Variants in PIK3C2G observed in about 807,000 individuals in gnomAD.
The protein encoded by PIK3C2G is phosphatidylinositol 3-kinase C2 domain-containing subunit gamma.
Under a neutral mutation model 181.1 loss-of-function variants are expected in PIK3C2G, and 168 were observed. The observed-to-expected ratio is 0.93, with a 90% CI of 0.82 to 1.05. PIK3C2G has a LOEUF of 1.05. PIK3C2G is among the 50% of genes least tolerant of loss of function. The pLI, the probability that PIK3C2G is intolerant of heterozygous loss-of-function variation, is 0.00. For missense variants in PIK3C2G, 1,869 were observed against 1,732.8 expected, an observed-to-expected ratio of 1.08 and a Z score of -1.40; for synonymous variants, 573 against 592.2, an observed-to-expected ratio of 0.97 and a Z score of 0.47.
intron 22 of PIK3C2G, among the ~76,000 whole-genome samples, chr12:18,502,823 G>A (rs906875575): frequency 2.0e-5 from 3 of 152,200 alleles, no homozygotes; most frequent in Non-Finnish European, 4.4e-5. Flanking sequence ...ACATTTAACT[G>A]TGAAGCTTTT....
chr12:18,250,293 T>A (rs997379612), intron 1 of PIK3C2G, among the ~76,000 whole-genome samples: 1 of 152,084 alleles, frequency 6.6e-6, no homozygotes, highest in Non-Finnish European at 1.5e-5. Flanking sequence ...ATTGACAGAA[T>A]TTTATTCCCA....
the PIK3C2G span, chr12:18,699,901 G>A: frequency 1.3e-4 from 211 of 1,612,104 alleles, no homozygotes; most frequent in African/African-American, 7.2e-4. Flanking sequence ...CTCAGCTTTC[G>A]TATAAATGAC....
the PIK3C2G span, among the ~76,000 whole-genome samples, chr12:18,700,688 A>G: frequency 2.6e-5 from 4 of 152,094 alleles, no homozygotes; most frequent in East Asian, 5.8e-4. Context: ...GTGAGACACT[A>G]TATCAAGTCA....
At chr12:18,244,403 G>A (rs1054711728), upstream of PIK3C2G, among the ~76,000 whole-genome samples, 11 of 152,006 alleles carry the variant, frequency 7.2e-5, no homozygotes, top group East Asian at 1.5e-3. Flanking sequence ...AATACTGGGG[G>A]TTCTTGATAA....
At chr12:18,709,296 G>A in the PIK3C2G span, among the ~76,000 whole-genome samples, 3 of 151,810 alleles carry the variant, frequency 2.0e-5, no homozygotes, top group Non-Finnish European at 4.4e-5. Flanking sequence ...TTGTCTTCTT[G>A]GTCTCCTTGA....
At chr12:18,663,604 T>G in the PIK3C2G span, among the ~76,000 whole-genome samples, 2 of 151,528 alleles carry the variant, frequency 1.3e-5, no homozygotes, top group Non-Finnish European at 2.9e-5. Context: ...TTAAAATATA[T>G]CCAGTACCTA....
intron 13 of PIK3C2G, among the ~76,000 whole-genome samples, chr12:18,378,676 A>C (rs989393808): frequency 3.9e-5 from 6 of 152,190 alleles, no homozygotes; most frequent in African/African-American, 1.4e-4. Context: ...AGAAAAAAAC[A>C]AACAACCCCA....
At chr12:18,514,738 T>C (rs1208540304) in intron 24 of PIK3C2G, among the ~76,000 whole-genome samples, 1 of 151,928 alleles carries the variant, frequency 6.6e-6, no homozygotes, top group African/African-American at 2.4e-5. Flanking sequence ...TTTTTTTCTT[T>C]CTCTTGCCAA....
chr12:18,718,178 T>C, the PIK3C2G span, among the ~76,000 whole-genome samples: 1 of 152,266 alleles, frequency 6.6e-6, no homozygotes, highest in East Asian at 1.9e-4. Flanking sequence ...ACTTAAGATA[T>C]TTTCAAGTAT....
chr12:18,597,873 A>T (rs1015778324), intron 30 of PIK3C2G, among the ~76,000 whole-genome samples: 7 of 152,144 alleles, frequency 4.6e-5, no homozygotes, highest in African/African-American at 1.4e-4. Context: ...CAGAGAGCCA[A>T]ATCATGAGTG....
intron 9 of PIK3C2G, 87 bp downstream of exon 9, chr12:18,338,635 A>G (rs1293376439): frequency 1.2e-6 from 1 of 858,518 alleles, no homozygotes; most frequent in Non-Finnish European, 1.9e-6. Flanking sequence ...ACTAACAACT[A>G]TATTTCCGTG....
At chr12:18,519,624 T>A (rs1942780625) in intron 24 of PIK3C2G, among the ~76,000 whole-genome samples, 1 of 152,196 alleles carries the variant, frequency 6.6e-6, no homozygotes. Flanking sequence ...GTATGTGAGA[T>A]GAGTCTCCTG....
chr12:18,346,836 G>C lies in PIK3C2G; in HGVS notation c.1625G>C (p.Ser542Thr). Reference protein sequence around the residue: ...AHNIPETWVHSYKAFSFTCWL... With the variant: ...AHNIPETWVHTYKAFSFTCWL... ...AACATTCCAGAAACCTGGGTGCACA[G>C]GTGAGTGGTGGTGAGTTTTTCACAA... The change falls in exon 11 of 33, where the codon AGC becomes ACC. Residue 542 changes from serine (S) to threonine (T), a missense_variant and splice_region_variant. Ser to Thr is a moderately conservative substitution (Grantham distance 58). Coordinates refer to ENST00000538779, the MANE Select transcript of PIK3C2G (RefSeq NM_001288772.2). The C allele has an allele frequency of 1.3e-6, 2 of 1,580,018 alleles. No individual in the cohort carries two copies. Among genetic ancestry groups the C allele is most frequent in the Non-Finnish European group, 1.7e-6 (2 of 1,159,496 alleles).
chr12:18,561,625 G>T (rs910455993), intron 26 of PIK3C2G, among the ~76,000 whole-genome samples: 4 of 152,082 alleles, frequency 2.6e-5, no homozygotes, highest in Admixed American at 6.5e-5. Flanking sequence ...TATGAAAAAA[G>T]AAGCTATTAG....
In PIK3C2G at chr12:18,563,402, GCAA is replaced by G. The variant is rs1945450614; in HGVS notation, c.3811_3813del (p.Asn1271del). On this transcript the variant is annotated inframe_deletion, in exon 28 of 33. Coordinates refer to ENST00000538779, the MANE Select transcript of PIK3C2G (RefSeq NM_001288772.2). ...CTGTATCTGATCCAGGTGACACACAGCAACAACGAAACAAGCCTGACAGAAAAA... is the reference window on the plus strand; with the variant it reads ...CTGTATCTGATCCAGGTGACACACAGCAACGAAACAAGCCTGACAGAAAAA... 1 of 1,612,442 alleles carries G rather than the reference GCAA, an allele frequency of 6.2e-7. No homozygotes were observed. The highest frequency in any genetic ancestry group is 1.3e-5 in the African/African-American group (1 of 74,886).
intron 29 of PIK3C2G, among the ~76,000 whole-genome samples, chr12:18,591,217 AC>A (rs1233599115): frequency 6.6e-6 from 1 of 151,920 alleles, no homozygotes; most frequent in African/African-American, 2.4e-5. Context: ...AAAATTGGCA[AC>A]TGACTAATTT....
At chr12:18,272,188 C>T (rs779569351) in intron 1 of PIK3C2G, among the ~76,000 whole-genome samples, 1 of 151,962 alleles carries the variant, frequency 6.6e-6, no homozygotes, top group Non-Finnish European at 1.5e-5. Flanking sequence ...ATTCCTGCTC[C>T]GTTTATTTTT....
chr12:18,430,261 C>A (rs1400064808), intron 18 of PIK3C2G, among the ~76,000 whole-genome samples: 1 of 152,176 alleles, frequency 6.6e-6, no homozygotes, highest in African/African-American at 2.4e-5. Flanking sequence ...GTCTTTCCCA[C>A]TCCTCCTACC....
intron 1 of PIK3C2G, among the ~76,000 whole-genome samples, chr12:18,278,270 C>G (rs567694535): frequency 2.6e-5 from 4 of 152,122 alleles, no homozygotes; most frequent in Non-Finnish European, 4.4e-5. Context: ...GTAGAGATCC[C>G]TTGACCATTA....
Sources: gnomAD v4.1 joint callset for allele counts (sites outside exome capture counted in the v4.1 genomes callset) on GRCh38, gnomAD v4.1.1 for gene constraint, MANE v1.5 for transcripts, NCBI Gene and HGNC (gene_info 2026-07-23, HGNC 2026-07-21) for gene names.